Variants in ECPAS observed in about 807,000 individuals in gnomAD.
ECPAS encodes the protein proteasome adapter and scaffold protein ECM29.
In ECPAS, 70 loss-of-function variants were observed where a neutral mutation model predicts 255.1. The ratio of observed to expected loss-of-function variants is 0.27; its 90% CI spans 0.23 to 0.33. The LOEUF is 0.33. Among genes scored for constraint, ECPAS ranks in the 10% least tolerant of loss-of-function variants. The pLI, the probability that ECPAS is intolerant of heterozygous loss-of-function variation, is 1.00. For missense variants in ECPAS, 1,817 were observed against 2,206.4 expected (o/e 0.82, Z 3.54); for synonymous variants, 784 against 775.0 (o/e 1.01, Z -0.19).
intron 16 of ECPAS, among the ~76,000 whole-genome samples, chr9:111,419,770 T>C (rs1337714894): frequency 1.3e-5 from 2 of 150,114 alleles, no homozygotes; most frequent in Non-Finnish European, 3.0e-5. Flanking sequence ...GTATTAGCTA[T>C]ATATCATATA....
chr9:111,422,375 CTTGA>C (rs904811391), intron 13 of ECPAS, among the ~76,000 whole-genome samples, 175 bp from the exon 14 acceptor site: 12 of 152,154 alleles, frequency 7.9e-5, no homozygotes, highest in Non-Finnish European at 1.5e-4. Flanking sequence ...CCAAATAACC[CTTGA>C]TTAACACGCA....
intron 1 of ECPAS, among the ~76,000 whole-genome samples, chr9:111,482,764 G>A (rs1473678644): frequency 6.7e-6 from 1 of 149,732 alleles, no homozygotes; most frequent in Non-Finnish European, 1.5e-5. Flanking sequence ...TATGACCCCA[G>A]CGTGGGTCCG....
chr9:111,481,324 G>C (rs1269978709), intron 1 of ECPAS, among the ~76,000 whole-genome samples: 2 of 151,994 alleles, frequency 1.3e-5, no homozygotes, highest in Non-Finnish European at 2.9e-5. Flanking sequence ...GGCTAACACA[G>C]TGAAACCCCG....
intron 10 of ECPAS, 84 bp from the exon 11 acceptor site, chr9:111,425,912 G>C: frequency 1.5e-6 from 1 of 669,842 alleles, no homozygotes; most frequent in Non-Finnish European, 2.5e-6. Context: ...TTCAGCAGCA[G>C]ACCTTTCATA....
intron 16 of ECPAS, among the ~76,000 whole-genome samples, chr9:111,419,508 A>G (rs1008572509): frequency 3.3e-5 from 5 of 152,092 alleles, no homozygotes; most frequent in Admixed American, 3.3e-4. Context: ...CATTCTTTTA[A>G]AAAGCATTAC....
intron 3 of ECPAS, among the ~76,000 whole-genome samples, chr9:111,447,399 CTACTG>C (rs1266006246): frequency 5.9e-5 from 9 of 152,160 alleles, no homozygotes; most frequent in African/African-American, 2.2e-4. Context: ...GCATGAGCTA[CTACTG>C]CACTCGGCCT....
At chr9:111,402,993 T>C (rs2098178455) in intron 24 of ECPAS, among the ~76,000 whole-genome samples, 1 of 152,088 alleles carries the variant, frequency 6.6e-6, no homozygotes, top group Non-Finnish European at 1.5e-5. Context: ...GACTAACTTA[T>C]CTGATTAAAA....
intron 24 of ECPAS, among the ~76,000 whole-genome samples, chr9:111,400,626 T>C (rs746146261): frequency 1.3e-5 from 2 of 152,072 alleles, no homozygotes; most frequent in African/African-American, 2.4e-5. Flanking sequence ...CTGAAAAATA[T>C]AATGGATGAC....
At chr9:111,387,142 A>G (rs2098150317) in intron 31 of ECPAS, among the ~76,000 whole-genome samples, 1 of 152,170 alleles carries the variant, frequency 6.6e-6, no homozygotes, top group South Asian at 2.1e-4. Context: ...TCATCAGTGC[A>G]GTTATTGAGG....
At position 111,454,972 on chromosome 9, in the gene ECPAS, C is replaced by T. The variant is rs187439317; in HGVS notation, c.23-3417G>A. On this transcript the variant is annotated intron_variant, in intron 2 of 49. Coordinates refer to ENST00000684092, the MANE Select transcript of ECPAS (RefSeq NM_001364929.1). ...CTGGTCTTGAATTCCTGGCCTCAAG[C>T]GATCCTCATACTTTGGCCTCCCAAA... Among the ~76,000 whole-genome samples the T allele has an allele frequency of 2.7e-3, 409 of 152,172 alleles. 3 individuals carry two copies. The highest frequency in any genetic ancestry group is 9.1e-3 in the African/African-American group (377 of 41,518).
At chr9:111,423,330 T>C in intron 12 of ECPAS, 82 bp from the exon 13 acceptor site, 1 of 914,932 alleles carries the variant, frequency 1.1e-6, no homozygotes, top group Non-Finnish European at 1.7e-6. Context: ...GTAAAACCTT[T>C]TCGCTGCAAT....
intron 45 of ECPAS, among the ~76,000 whole-genome samples, chr9:111,369,679 T>A (rs908022471): frequency 6.6e-6 from 1 of 152,090 alleles, no homozygotes; most frequent in Non-Finnish European, 1.5e-5. Context: ...CAATAAGAAA[T>A]AAGAATGTTA....
chr9:111,412,742 TAAAA>T, intron 20 of ECPAS, among the ~76,000 whole-genome samples: 1 of 152,206 alleles, frequency 6.6e-6, no homozygotes, highest in East Asian at 1.9e-4. Context: ...TCATAAGAAA[TAAAA>T]AAACCTTTTT....
intron 32 of ECPAS, 145 bp downstream of exon 32, chr9:111,386,232 G>A: frequency 1.6e-6 from 1 of 644,936 alleles, no homozygotes; most frequent in South Asian, 1.8e-5. Context: ...CCCATGTGCT[G>A]GGATCACAGG....
chr9:111,391,406 C>T (rs1356510471), intron 29 of ECPAS, among the ~76,000 whole-genome samples: 1 of 151,972 alleles, frequency 6.6e-6, no homozygotes. Flanking sequence ...AGTGAAACCC[C>T]GTCTCTACTA....
chr9:111,386,630 A>G (rs1258167033), intron 31 of ECPAS, among the ~76,000 whole-genome samples, 174 bp from the exon 32 acceptor site: 1 of 152,156 alleles, frequency 6.6e-6, no homozygotes, highest in African/African-American at 2.4e-5. Flanking sequence ...CACTTTGGTC[A>G]CTATAAAGCT....
At chr9:111,470,701 C>T (rs1247754974) in intron 2 of ECPAS, among the ~76,000 whole-genome samples, 1 of 150,774 alleles carries the variant, frequency 6.6e-6, no homozygotes, top group Non-Finnish European at 1.5e-5. Context: ...TTGCTTACCA[C>T]CCCGCACCCA....
chr9:111,440,725 TGA>T (rs2098244660), intron 5 of ECPAS, among the ~76,000 whole-genome samples: 1 of 152,206 alleles, frequency 6.6e-6, no homozygotes, highest in South Asian at 2.1e-4. Flanking sequence ...TATTGAGTGA[TGA>T]TTAGCATTTA....
At chr9:111,412,181 A>G in intron 20 of ECPAS, 33 bp from the exon 21 acceptor site, 3 of 1,516,286 alleles carry the variant, frequency 2.0e-6, no homozygotes, top group Non-Finnish European at 1.8e-6. Context: ...AAATATATAC[A>G]TGACACAGAA....
Sources: allele counts gnomAD v4.1 joint callset (sites outside exome capture counted in the v4.1 genomes callset), GRCh38; gene constraint gnomAD v4.1.1; transcripts MANE v1.5; gene names NCBI Gene and HGNC (gene_info 2026-07-23, HGNC 2026-07-21).